The following ZBBX variants were observed in gnomAD, a reference collection of about 807,000 sequenced individuals.
The protein encoded by ZBBX is zinc finger B-box domain containing.
ZBBX carries 101 observed loss-of-function variants against 108.5 expected under a neutral mutation model. The observed-to-expected ratio is 0.93, with a 90% CI of 0.79 to 1.10. The LOEUF is 1.10. Ranked by LOEUF, ZBBX falls within the 50% of genes least tolerant of loss-of-function variation. The probability of loss-of-function intolerance (pLI) is 0.00; values close to 1 mark genes in which losing one functional copy is unlikely to be tolerated. For synonymous variants in ZBBX, 356 were observed against 323.4 expected (o/e 1.10, Z -1.08); for missense variants, 1,009 against 941.4 (o/e 1.07, Z -0.94).
intron 20 of ZBBX, among the ~76,000 whole-genome samples, chr3:167,256,477 G>A (rs1464287334): frequency 2.7e-5 from 4 of 148,390 alleles, no homozygotes. Flanking sequence ...CATTCTTTAA[G>A]TTATTTTAAA....
chr3:167,337,361 T>C (rs1739731538), intron 9 of ZBBX, among the ~76,000 whole-genome samples: 1 of 151,892 alleles, frequency 6.6e-6, no homozygotes, highest in South Asian at 2.1e-4. Flanking sequence ...CTACTAAAAA[T>C]ACAAAAAATT....
At chr3:167,215,114 A>G in the ZBBX span, among the ~76,000 whole-genome samples, 2 of 152,062 alleles carry the variant, frequency 1.3e-5, no homozygotes, top group Admixed American at 1.3e-4. Flanking sequence ...AGCTAGCAGA[A>G]GACAAGAAAT....
intron 20 of ZBBX, among the ~76,000 whole-genome samples, chr3:167,242,943 C>CT: frequency 6.6e-6 from 1 of 152,250 alleles, no homozygotes; most frequent in African/African-American, 2.4e-5. Flanking sequence ...AAATGACCCC[C>CT]TTTAAAGCTA....
the ZBBX span, among the ~76,000 whole-genome samples, chr3:167,190,085 T>C: frequency 0.051 from 7,820 of 152,242 alleles, 553 homozygotes; most frequent in African/African-American, 0.16. Context: ...TTTTCCTTTT[T>C]ATCACAAACA....
intron 4 of ZBBX, among the ~76,000 whole-genome samples, chr3:167,372,234 C>A (rs181721370): frequency 1.2e-4 from 19 of 152,176 alleles, no homozygotes; most frequent in African/African-American, 4.3e-4. Context: ...TGTCTTCATC[C>A]TATGCTGGCT....
the ZBBX span, among the ~76,000 whole-genome samples, chr3:167,205,540 A>AATTATCAAATT: frequency 6.6e-6 from 1 of 152,194 alleles, no homozygotes; most frequent in Non-Finnish European, 1.5e-5. Context: ...TTACTGAATC[A>AATTATCAAATT]ATCAAATGAG....
rs142036411 is a variant in ZBBX, at chr3:167,334,200, A to G, written c.529-215T>C. Among the ~76,000 whole-genome samples the G allele has an allele frequency of 3.8e-3, 580 of 152,312 alleles. 1 individual carries two copies. The highest frequency in any genetic ancestry group is 0.013 in the African/African-American group (554 of 41,578). Reference sequence around the variant, plus strand: ...AGTTTGGCCTCATACAATTCAAACCATCTTAAAAACAATATATCACTTAAT... The same window carrying G: ...AGTTTGGCCTCATACAATTCAAACCGTCTTAAAAACAATATATCACTTAAT... On this transcript the variant is annotated intron_variant, in intron 9 of 21. Coordinates refer to ENST00000675490, the MANE Select transcript of ZBBX (RefSeq NM_001199201.2).
chr3:167,277,656 T>G (rs1007663696), intron 20 of ZBBX, among the ~76,000 whole-genome samples: 8 of 152,052 alleles, frequency 5.3e-5, no homozygotes, highest in Non-Finnish European at 1.2e-4. Flanking sequence ...AATGGGAGAC[T>G]TTAACACCCC....
intron 5 of ZBBX, among the ~76,000 whole-genome samples, chr3:167,367,437 TCC>T (rs1489668382): frequency 6.6e-6 from 1 of 151,688 alleles, no homozygotes; most frequent in Non-Finnish European, 1.5e-5. Flanking sequence ...TGCTATTATA[TCC>T]ACACAAAAAA....
intron 20 of ZBBX, among the ~76,000 whole-genome samples, chr3:167,276,009 G>C (rs989452681): frequency 2.7e-4 from 41 of 152,134 alleles, no homozygotes; most frequent in Admixed American, 5.9e-4. Flanking sequence ...GCACCCCCCA[G>C]CAGGGGCAGA....
At chr3:167,337,267 G>A (rs4468975) in intron 9 of ZBBX, among the ~76,000 whole-genome samples, 1 of 152,070 alleles carries the variant, frequency 6.6e-6, no homozygotes, top group African/African-American at 2.4e-5. Flanking sequence ...CCTGTAATTC[G>A]AACACTTTGT....
In ZBBX at chr3:167,405,050, G is replaced by T. The variant is rs543754812; in HGVS notation, c.-446+2676C>A. Among the ~76,000 whole-genome samples, 3 of 152,300 alleles carry T rather than the reference G, an allele frequency of 2.0e-5. No individual in the cohort carries two copies. In the East Asian group the frequency reaches 5.8e-4, roughly 29 times the overall value. On this transcript the variant is annotated intron_variant, in intron 1 of 21. Coordinates refer to the ZBBX transcript ENST00000455345. ...ACATCTAAAATTTTTAAGGGTTCTT[G>T]CTAGGAGACTGCATGGATGCTTTTT...
At chr3:167,181,959 AGGCCTGGGACG>A in the ZBBX span, among the ~76,000 whole-genome samples, 1 of 152,022 alleles carries the variant, frequency 6.6e-6, no homozygotes, top group Admixed American at 6.5e-5. Flanking sequence ...GGTGGGGGGC[AGGCCTGGGACG>A]GGCCCCTCAT....
chr3:167,186,735 G>T, the ZBBX span, among the ~76,000 whole-genome samples: 1 of 152,090 alleles, frequency 6.6e-6, no homozygotes. Context: ...AATAAAATGA[G>T]CAGAGAAGTT....
chr3:167,306,262 C>T (rs923326604), intron 16 of ZBBX, among the ~76,000 whole-genome samples: 2 of 152,168 alleles, frequency 1.3e-5, no homozygotes, highest in South Asian at 2.1e-4. Context: ...CACTTTCCCA[C>T]CTCCTCCTCT....
intron 9 of ZBBX, among the ~76,000 whole-genome samples, chr3:167,346,205 T>C (rs1741423051): frequency 7.5e-6 from 1 of 132,978 alleles, no homozygotes; most frequent in Non-Finnish European, 1.6e-5. Context: ...AAAATTTTAA[T>C]CCTTAATAAT....
intron 20 of ZBBX, among the ~76,000 whole-genome samples, chr3:167,243,648 G>A (rs547505606): frequency 4.0e-5 from 6 of 151,414 alleles, no homozygotes; most frequent in African/African-American, 9.7e-5. Context: ...TGCCCACCTC[G>A]GCCTTCCAAA....
the ZBBX span, among the ~76,000 whole-genome samples, chr3:167,216,218 C>G: frequency 1.3e-5 from 2 of 152,060 alleles, no homozygotes; most frequent in Admixed American, 1.3e-4. Flanking sequence ...TCTTCTATAT[C>G]TAGAAAACCC....
intron 2 of ZBBX, among the ~76,000 whole-genome samples, chr3:167,375,829 G>T (rs960348671): frequency 2.6e-5 from 4 of 152,104 alleles, no homozygotes; most frequent in Non-Finnish European, 5.9e-5. Context: ...ATTGCAAAAT[G>T]GAATTACACA....
Sources: gnomAD v4.1 joint callset for allele counts (sites outside exome capture counted in the v4.1 genomes callset) on GRCh38, gnomAD v4.1.1 for gene constraint, MANE v1.5 for transcripts, NCBI Gene and HGNC (gene_info 2026-07-23, HGNC 2026-07-21) for gene names.